The following ARHGAP28 variants were observed in gnomAD, a reference collection of about 807,000 sequenced individuals.
The protein encoded by ARHGAP28 is rho GTPase-activating protein 28.
ARHGAP28 carries 56 observed loss-of-function variants against 90.7 expected under a neutral mutation model. That is an observed-to-expected ratio of 0.62 (90% CI 0.50 to 0.77). The LOEUF (loss-of-function observed/expected upper bound fraction) is 0.77. ARHGAP28 is among the 30% of genes least tolerant of loss of function. ARHGAP28 has a pLI of 0.00. For missense variants in ARHGAP28, 869 were observed against 900.9 expected (o/e 0.96, Z 0.45); for synonymous variants, 308 against 323.3 (o/e 0.95, Z 0.51).
rs747691679 is a variant in ARHGAP28 at position 6,894,941 on chromosome 18, C to A, written c.1905+50C>A. On this transcript the variant is annotated intron_variant, in intron 15 of 17. Transcript: ENST00000383472. ...TTCCATTAACTCCCTATATAGTCTT[C>A]TCTGGCGACATCCACCACATTTATG... 3.3e-6 allele frequency: 5 copies of A among 1,520,150 alleles called. No individual in the cohort carries two copies. In the East Asian group the frequency reaches 6.8e-5, roughly 21 times the overall value. The allele number at this position is 1,520,150 out of a possible 1,614,324, so 94.2% of individuals were successfully genotyped here. A position where few individuals can be genotyped will look rare whatever the true frequency, so the allele number is the denominator to read the frequency against.
chr18:6,894,805 C>T (rs754050103), intron 14 of ARHGAP28, 30 bp from the exon 15 acceptor site: 1 of 1,605,536 alleles, frequency 6.2e-7, no homozygotes, highest in Non-Finnish European at 8.5e-7. Flanking sequence ...GTTTTCTCAA[C>T]ATTACTCCTA....
intron 11 of ARHGAP28, 58 bp downstream of exon 11, chr18:6,882,357 C>G (rs1403046912): frequency 5.3e-6 from 8 of 1,502,324 alleles, no homozygotes; most frequent in East Asian, 2.3e-5. Flanking sequence ...AAAGTGAGAG[C>G]AGAAGAGAGA....
intron 11 of ARHGAP28, among the ~76,000 whole-genome samples, chr18:6,882,541 A>T (rs926021551): frequency 6.6e-6 from 1 of 152,160 alleles, no homozygotes; most frequent in Non-Finnish European, 1.5e-5. Flanking sequence ...GGCTCTTGAG[A>T]TTTGGATTCC....
chr18:6,839,642 TC>T (rs1022247444), intron 3 of ARHGAP28, among the ~76,000 whole-genome samples: 1 of 152,214 alleles, frequency 6.6e-6, no homozygotes, highest in East Asian at 1.9e-4. Flanking sequence ...TAAGTCAGCC[TC>T]CCCCTTCACT....
chr18:6,785,074 G>GT (rs2056355471), intron 1 of ARHGAP28, among the ~76,000 whole-genome samples: 1 of 152,050 alleles, frequency 6.6e-6, no homozygotes, highest in Non-Finnish European at 1.5e-5. Flanking sequence ...AGCTGTCTTT[G>GT]GAATTAATTT....
At chr18:6,856,574 A>G (rs1214805277) in intron 4 of ARHGAP28, among the ~76,000 whole-genome samples, 2 of 152,124 alleles carry the variant, frequency 1.3e-5, no homozygotes, top group African/African-American at 2.4e-5. Context: ...CACTGGCACA[A>G]TCATAGCTCA....
At chr18:6,821,685 G>A (rs1438046021) in intron 1 of ARHGAP28, among the ~76,000 whole-genome samples, 1 of 152,156 alleles carries the variant, frequency 6.6e-6, no homozygotes, top group African/African-American at 2.4e-5. Context: ...GCTGATCATT[G>A]TGATTAAAGG....
At chr18:6,842,854 A>T (rs59291874) in intron 3 of ARHGAP28, among the ~76,000 whole-genome samples, 1,775 of 152,268 alleles carry the variant, frequency 0.012, 37 homozygotes, top group African/African-American at 0.04. Context: ...CCCCATAAAT[A>T]TATATACCTA....
chr18:6,841,197 C>T (rs2056819066), intron 3 of ARHGAP28, among the ~76,000 whole-genome samples: 3 of 65,616 alleles, frequency 4.6e-5, no homozygotes, highest in African/African-American at 7.9e-5. Flanking sequence ...CTCTCTCTCT[C>T]TCTCTCCTCT....
chr18:6,838,358 A>G (rs2056770090), intron 3 of ARHGAP28, among the ~76,000 whole-genome samples: 1 of 152,196 alleles, frequency 6.6e-6, no homozygotes. Context: ...TTGAGTAGAA[A>G]TCATGGTTGA....
chr18:6,840,737 G>A (rs1218117681), intron 3 of ARHGAP28, among the ~76,000 whole-genome samples: 2 of 152,104 alleles, frequency 1.3e-5, no homozygotes, highest in African/African-American at 2.4e-5. Flanking sequence ...CTAAGGAAGT[G>A]GGTGGGCACA....
chr18:6,846,122 A>C (rs977658091), intron 3 of ARHGAP28, among the ~76,000 whole-genome samples: 4 of 152,272 alleles, frequency 2.6e-5, no homozygotes, highest in South Asian at 2.1e-4. Context: ...ACCTGCCTCC[A>C]CCTGGATTCA....
At chr18:6,877,952 CTGTGTGTGTGTGTGTGTATGTGCA>C (rs1369392831) in intron 10 of ARHGAP28, among the ~76,000 whole-genome samples, 6 of 150,044 alleles carry the variant, frequency 4.0e-5, no homozygotes, top group Non-Finnish European at 8.9e-5. Context: ...ACTGGTTCCT[CTGTGTGTGTGTGTGTGTATGTGCA>C]TGTGTGTGTG....
At chr18:6,800,083 T>G (rs917043802) in intron 1 of ARHGAP28, among the ~76,000 whole-genome samples, 2 of 152,100 alleles carry the variant, frequency 1.3e-5, no homozygotes, top group Non-Finnish European at 2.9e-5. Context: ...AAGAAGACAT[T>G]TATGTGGCCA....
At chr18:6,808,851 T>A (rs1283442311) in intron 1 of ARHGAP28, among the ~76,000 whole-genome samples, 1 of 152,348 alleles carries the variant, frequency 6.6e-6, no homozygotes, top group East Asian at 1.9e-4. Flanking sequence ...CGTGGTTCTT[T>A]GTGTAGAAGT....
At chr18:6,869,474 T>C (rs1427033717) in intron 6 of ARHGAP28, among the ~76,000 whole-genome samples, 1 of 152,062 alleles carries the variant, frequency 6.6e-6, no homozygotes, top group East Asian at 1.9e-4. Context: ...TTGGCCAGGC[T>C]GGTCTCAAAC....
At chr18:6,899,895 C>T (rs371526019) in intron 16 of ARHGAP28, among the ~76,000 whole-genome samples, 173 of 152,256 alleles carry the variant, frequency 1.1e-3, no homozygotes, top group African/African-American at 4.0e-3. Flanking sequence ...CCACCTGACA[C>T]CTGGTGGAAA....
chr18:6,802,015 CT>C (rs1247844149), intron 1 of ARHGAP28, among the ~76,000 whole-genome samples: 4 of 152,116 alleles, frequency 2.6e-5, no homozygotes, highest in African/African-American at 9.7e-5. Context: ...AGATATTTGT[CT>C]TTCTGTACTT....
At chr18:6,842,204 T>C (rs2056832862) in intron 3 of ARHGAP28, among the ~76,000 whole-genome samples, 1 of 152,182 alleles carries the variant, frequency 6.6e-6, no homozygotes, top group South Asian at 2.1e-4. Context: ...TTTTTTTAAA[T>C]TAGCCAGTTG....
Sources: gnomAD v4.1 joint callset for allele counts (sites outside exome capture counted in the v4.1 genomes callset) on GRCh38, gnomAD v4.1.1 for gene constraint, MANE v1.5 for transcripts, NCBI Gene and HGNC (gene_info 2026-07-23, HGNC 2026-07-21) for gene names.